Variants in DOK6 observed in about 807,000 individuals in gnomAD.
The protein encoded by DOK6 is docking protein 6, also known as downstream of tyrosine kinase 6.
A neutral mutation model predicts 44.0 loss-of-function variants in DOK6; 22 were observed. The observed-to-expected ratio is 0.50, with a 90% CI of 0.36 to 0.71. The LOEUF (loss-of-function observed/expected upper bound fraction) is 0.71. Among genes scored for constraint, DOK6 ranks in the 30% least tolerant of loss-of-function variants. DOK6 has a pLI of 0.00. For missense variants in DOK6, 340 were observed against 416.4 expected, an observed-to-expected ratio of 0.82 and a Z score of 1.60; for synonymous variants, 166 against 145.5, an observed-to-expected ratio of 1.14 and a Z score of -1.01.
intron 3 of DOK6, among the ~76,000 whole-genome samples, chr18:69,604,617 A>C (rs1350148617): frequency 6.6e-6 from 1 of 152,190 alleles, no homozygotes; most frequent in Non-Finnish European, 1.5e-5. Flanking sequence ...TTTGAGAAAT[A>C]AAGGCAAGAT....
At chr18:69,484,648 T>C (rs1980522601) in intron 1 of DOK6, among the ~76,000 whole-genome samples, 1 of 152,158 alleles carries the variant, frequency 6.6e-6, no homozygotes. Context: ...AGTGTGTTTC[T>C]ATTGAAAAAC....
chr18:69,495,949 G>A (rs1596223), intron 1 of DOK6, among the ~76,000 whole-genome samples: 47,563 of 152,136 alleles, frequency 0.31, 7,728 homozygotes, highest in East Asian at 0.58. Context: ...AGATTTGAGC[G>A]GGTGCCGGGA....
Position 69,545,410 on chromosome 18 carries a change from C to G in DOK6, c.67-19077C>G, listed in dbSNP as rs901393691. On this transcript the variant is annotated intron_variant, in intron 1 of 7. Transcript: ENST00000382713. ...AAACTTGCTGCTGTTTAGGAAACTT[C>G]ATTTCTGTCTGTAAATTTAAGCCAT... is the stretch of plus-strand genomic sequence containing the variant. Among the ~76,000 whole-genome samples the G allele has an allele frequency of 8.1e-5, 12 of 148,232 alleles. 1 individual carries two copies. The highest frequency in any genetic ancestry group is 2.7e-4 in the African/African-American group (11 of 40,392).
intron 6 of DOK6, among the ~76,000 whole-genome samples, chr18:69,751,801 C>T (rs898120123): frequency 2.6e-5 from 4 of 151,680 alleles, no homozygotes; most frequent in African/African-American, 9.7e-5. Context: ...GGCCAGGGTT[C>T]CAGAGCAGCC....
chr18:69,559,767 C>T (rs1432450902), intron 1 of DOK6, among the ~76,000 whole-genome samples: 2 of 152,036 alleles, frequency 1.3e-5, no homozygotes, highest in African/African-American at 2.4e-5. Flanking sequence ...GGGTGCCAGC[C>T]CCATTGGGTT....
chr18:69,800,061 T>C (rs1227917016), intron 7 of DOK6, among the ~76,000 whole-genome samples: 1 of 149,026 alleles, frequency 6.7e-6, no homozygotes, highest in Non-Finnish European at 1.5e-5. Context: ...TTTTACTATT[T>C]TTAGTTTTTC....
chr18:69,769,296 T>A (rs1300398620), intron 7 of DOK6, among the ~76,000 whole-genome samples: 1 of 152,062 alleles, frequency 6.6e-6, no homozygotes, highest in Non-Finnish European at 1.5e-5. Flanking sequence ...TTTTTATTCA[T>A]CAGGAAAGTT....
At chr18:69,699,825 A>ATT (rs1986471677) in intron 5 of DOK6, among the ~76,000 whole-genome samples, 1 of 152,138 alleles carries the variant, frequency 6.6e-6, no homozygotes, top group Non-Finnish European at 1.5e-5. Context: ...ACTGGCTTTA[A>ATT]AAAGGTAGTA....
chr18:69,414,968 T>C (rs1003117464), intron 1 of DOK6, among the ~76,000 whole-genome samples: 1 of 152,116 alleles, frequency 6.6e-6, no homozygotes, highest in Non-Finnish European at 1.5e-5. Flanking sequence ...TAATAACTTG[T>C]CAATTATGAA....
At chr18:69,772,100 T>C (rs1979903944) in intron 7 of DOK6, among the ~76,000 whole-genome samples, 1 of 151,338 alleles carries the variant, frequency 6.6e-6, no homozygotes, top group Non-Finnish European at 1.5e-5. Context: ...AGCACTGGAG[T>C]TCCATACTAC....
In DOK6 at chr18:69,806,288, A is replaced by G. The variant is rs565682668; in HGVS notation, c.857-34956A>G. Among the ~76,000 whole-genome samples, 5 of 152,124 alleles carry G rather than the reference A, an allele frequency of 3.3e-5. No individual in the cohort carries two copies. In the South Asian group the frequency reaches 8.3e-4, roughly 25 times the overall value. On this transcript the variant is annotated intron_variant, in intron 7 of 7. Transcript: ENST00000382713. ...TTTGCTGCCAAGAAATTCTTATTGG[A>G]AGATAGTTGAACAAAATATAAAAAT...
intron 1 of DOK6, chr18:69,483,640 T>C (rs943550137): frequency 2.0e-5 from 3 of 152,112 alleles, no homozygotes; most frequent in Non-Finnish European, 4.4e-5. Flanking sequence ...CTAGAGTCCT[T>C]GTAACTCCAT....
intron 3 of DOK6, among the ~76,000 whole-genome samples, chr18:69,647,030 C>T (rs994253890): frequency 1.5e-3 from 149 of 100,384 alleles, no homozygotes; most frequent in Non-Finnish European, 2.6e-3. Context: ...CTCATCTATC[C>T]ATCTGTCTAT....
chr18:69,557,377 G>GT (rs1982713794), intron 1 of DOK6, among the ~76,000 whole-genome samples: 1 of 152,114 alleles, frequency 6.6e-6, no homozygotes, highest in African/African-American at 2.4e-5. Context: ...GCTAAATAAC[G>GT]TAATTACGGC....
rs370467472 is a variant in DOK6 at position 69,520,920 on chromosome 18, G to A, written c.67-43567G>A. 2.1e-4 allele frequency among the ~76,000 whole-genome samples: 32 copies of A among 151,982 alleles called. No homozygotes were observed. In the East Asian group the frequency reaches 2.3e-3, roughly 11 times the overall value. On this transcript the variant is annotated intron_variant, in intron 1 of 7. Coordinates refer to ENST00000382713, the MANE Select transcript of DOK6 (RefSeq NM_152721.6). ...AGTTTGAGATATAATGATAAAAAGA[G>A]AGGCCTCTTAATTCAACTGTGCATG...
At chr18:69,794,196 C>T (rs190045137) in intron 7 of DOK6, among the ~76,000 whole-genome samples, 3 of 152,216 alleles carry the variant, frequency 2.0e-5, no homozygotes, top group East Asian at 1.9e-4. Context: ...CCCATTTTCA[C>T]GTCTTCCCTC....
chr18:69,798,565 T>C (rs1391149314), intron 7 of DOK6, among the ~76,000 whole-genome samples: 1 of 152,054 alleles, frequency 6.6e-6, no homozygotes, highest in East Asian at 1.9e-4. Context: ...TTGTATAGCA[T>C]TTGTGCATTA....
At chr18:69,621,573 T>G (rs1984439366) in intron 3 of DOK6, among the ~76,000 whole-genome samples, 1 of 152,118 alleles carries the variant, frequency 6.6e-6, no homozygotes, top group Non-Finnish European at 1.5e-5. Context: ...ACTAAGGAGT[T>G]TAAGCTGGAT....
intron 5 of DOK6, among the ~76,000 whole-genome samples, chr18:69,737,080 GAT>G (rs754225510): frequency 3.9e-4 from 60 of 152,278 alleles, no homozygotes; most frequent in Non-Finnish European, 7.5e-4. Context: ...TGTTTAGACA[GAT>G]ATGAAACAGT....
Sources: gnomAD v4.1 joint callset for allele counts (sites outside exome capture counted in the v4.1 genomes callset) on GRCh38, gnomAD v4.1.1 for gene constraint, MANE v1.5 for transcripts, NCBI Gene and HGNC (gene_info 2026-07-23, HGNC 2026-07-21) for gene names.